WDR20: variants seen among roughly 807,000 people sequenced by gnomAD.
WDR20 encodes the protein WD repeat-containing protein 20.
Under a neutral mutation model 38.7 loss-of-function variants are expected in WDR20, and 3 were observed. That is an observed-to-expected ratio of 0.08 (90% confidence interval 0.04 to 0.20). WDR20 has a LOEUF of 0.20. WDR20 is among the 10% of genes least tolerant of loss of function. The pLI is 1.00. For synonymous variants in WDR20, 298 were observed against 285.6 expected (o/e 1.04, Z -0.44); for missense variants, 559 against 727.7 (o/e 0.77, Z 2.67).
At chr14:102,204,924 G>A (rs2061242586) in intron 2 of WDR20, among the ~76,000 whole-genome samples, 2 of 152,186 alleles carry the variant, frequency 1.3e-5, no homozygotes, top group South Asian at 4.1e-4. Flanking sequence ...TGAGGATGCT[G>A]TCTTTGTGCC....
downstream of WDR20, among the ~76,000 whole-genome samples, chr14:102,218,573 G>A (rs2063504991): frequency 6.6e-6 from 1 of 152,182 alleles, no homozygotes; most frequent in Non-Finnish European, 1.5e-5. Flanking sequence ...ATATATTCTG[G>A]TGCAACAAGG....
intron 1 of WDR20, among the ~76,000 whole-genome samples, chr14:102,163,906 T>C (rs980869142): frequency 2.0e-5 from 3 of 152,156 alleles, no homozygotes; most frequent in Admixed American, 6.6e-5. Flanking sequence ...TTGCAAGAAT[T>C]ACACTACTCC....
intron 1 of WDR20, among the ~76,000 whole-genome samples, chr14:102,152,346 T>G (rs2152727518): frequency 6.6e-6 from 1 of 152,108 alleles, no homozygotes; most frequent in East Asian, 1.9e-4. Flanking sequence ...ATTAATAACA[T>G]ATTAATCATG....
intron 1 of WDR20, among the ~76,000 whole-genome samples, chr14:102,184,298 G>A (rs575834149): frequency 3.3e-5 from 5 of 152,334 alleles, no homozygotes; most frequent in Admixed American, 6.5e-5. Flanking sequence ...GTGGAGTACA[G>A]CATCAGAGAA....
At chr14:102,224,725 C>T (rs1380868981), downstream of WDR20, 3 of 455,924 alleles carry the variant, frequency 6.6e-6, no homozygotes, top group East Asian at 6.9e-5. Context: ...CTTGAGTTCT[C>T]AGCCTGCCCC....
At chr14:102,218,522 C>A (rs1485178257), downstream of WDR20, among the ~76,000 whole-genome samples, 1 of 152,224 alleles carries the variant, frequency 6.6e-6, no homozygotes, top group Non-Finnish European at 1.5e-5. Context: ...CATGGCCTTG[C>A]TGCTTTATTG....
At chr14:102,169,956 C>T (rs1370962123) in intron 1 of WDR20, among the ~76,000 whole-genome samples, 3 of 152,128 alleles carry the variant, frequency 2.0e-5, no homozygotes, top group Non-Finnish European at 4.4e-5. Context: ...GCAATGAAGT[C>T]TCTCACACTT....
At chr14:102,215,107 T>A, downstream of WDR20, 1 of 568,928 alleles carries the variant, frequency 1.8e-6, no homozygotes, top group Non-Finnish European at 2.2e-6. Flanking sequence ...AGGACCTTGT[T>A]AATGTTTATA....
intron 1 of WDR20, among the ~76,000 whole-genome samples, chr14:102,146,066 C>A (rs2053544745): frequency 6.6e-6 from 1 of 150,636 alleles, no homozygotes; most frequent in African/African-American, 2.4e-5. Flanking sequence ...TCATTGCCTA[C>A]TTGATTTGGA....
chr14:102,144,550 A>G (rs1343478888), intron 1 of WDR20, among the ~76,000 whole-genome samples: 1 of 151,842 alleles, frequency 6.6e-6, no homozygotes, highest in African/African-American at 2.4e-5. Flanking sequence ...AGCTGGGCTT[A>G]TTGGACCAAT....
At chr14:102,155,594 C>G (rs746881739) in intron 1 of WDR20, among the ~76,000 whole-genome samples, 1 of 152,206 alleles carries the variant, frequency 6.6e-6, no homozygotes, top group African/African-American at 2.4e-5. Context: ...ACAGCATTGA[C>G]TCATTAGGGC....
intron 1 of WDR20, among the ~76,000 whole-genome samples, chr14:102,155,620 G>A (rs1225939846): frequency 6.6e-6 from 1 of 152,134 alleles, no homozygotes; most frequent in East Asian, 1.9e-4. Context: ...AGCCTGACTA[G>A]AATTTAGAGG....
At chr14:102,166,772 A>T (rs1171095058) in intron 1 of WDR20, among the ~76,000 whole-genome samples, 3 of 152,260 alleles carry the variant, frequency 2.0e-5, no homozygotes, top group Admixed American at 1.3e-4. Context: ...GTCACTCATG[A>T]GACTGTCTTT....
chr14:102,158,778 T>G (rs1190576), intron 1 of WDR20, among the ~76,000 whole-genome samples: 141,354 of 152,070 alleles, frequency 0.93, 65,741 homozygotes, highest in East Asian at 1. Context: ...CCCTTCTATT[T>G]TTAAGGAAGA....
intron 2 of WDR20, among the ~76,000 whole-genome samples, chr14:102,200,467 T>TTTTTTTGTGTGTGTGTG (rs748066838): frequency 5.1e-5 from 6 of 117,678 alleles, no homozygotes; most frequent in African/African-American, 1.6e-4. Flanking sequence ...ATTTTTTTTT[T>TTTTTTTGTGTGTGTGTG]TGTGTGTGTG....
downstream of WDR20, chr14:102,214,594 T>A (rs1409863598): frequency 1.0e-6 from 1 of 985,292 alleles, no homozygotes; most frequent in Non-Finnish European, 1.2e-6. Context: ...CCTGCATTTT[T>A]ATCATTTCTG....
chr14:102,159,637 C>G (rs946129128), intron 1 of WDR20, among the ~76,000 whole-genome samples: 1 of 152,092 alleles, frequency 6.6e-6, no homozygotes, highest in African/African-American at 2.4e-5. Context: ...AGTTCCAGAC[C>G]AGCCTGGGCA....
rs528404592 is a variant in WDR20, at chr14:102,184,913, G to T, written c.250-10025G>T. On this transcript the variant is annotated intron_variant, in intron 1 of 2. Coordinates refer to ENST00000342702, the MANE Select transcript of WDR20 (RefSeq NM_144574.4). ...CAGAGCCCATCAGAAGCGCGCTAGA[G>T]ACAATGCACCAACGGTTGGTCTTTA... 9.9e-5 allele frequency among the ~76,000 whole-genome samples: 15 copies of T among 152,280 alleles called. No homozygotes were observed. The East Asian group carries it at 2.5e-3, about 26-fold the overall frequency.
intron 2 of WDR20, among the ~76,000 whole-genome samples, chr14:102,203,482 C>T (rs137896602): frequency 2.1e-4 from 32 of 152,246 alleles, no homozygotes; most frequent in African/African-American, 5.3e-4. Context: ...GGGTCCCAGC[C>T]GAAGCCCTTT....
Sources: allele counts gnomAD v4.1 joint callset (sites outside exome capture counted in the v4.1 genomes callset), GRCh38; gene constraint gnomAD v4.1.1; transcripts MANE v1.5; gene names NCBI Gene and HGNC (gene_info 2026-07-23, HGNC 2026-07-21).